The following FBXL20 variants were observed in gnomAD, a reference collection of about 807,000 sequenced individuals.
FBXL20 encodes the protein F-box and leucine rich repeat protein 20, also known as F-box/LRR-repeat protein 20.
Under a neutral mutation model 64.0 loss-of-function variants are expected in FBXL20, and 11 were observed. That is an observed-to-expected ratio of 0.17 (90% CI 0.11 to 0.28). The LOEUF is 0.28. FBXL20 is among the 10% of genes least tolerant of loss of function. FBXL20 has a pLI of 1.00. For missense variants in FBXL20, 303 were observed against 526.2 expected (o/e 0.58, Z 4.15); for synonymous variants, 184 against 189.0 (o/e 0.97, Z 0.22).
intron 12 of FBXL20, among the ~76,000 whole-genome samples, chr17:39,267,295 C>T (rs977255729): frequency 1.3e-5 from 2 of 151,642 alleles, no homozygotes; most frequent in Non-Finnish European, 2.9e-5. Context: ...ACAGTCTGAG[C>T]GGTAACAGCA....
intron 2 of FBXL20, among the ~76,000 whole-genome samples, chr17:39,324,997 A>C (rs1364410700): frequency 6.6e-6 from 1 of 152,238 alleles, no homozygotes; most frequent in African/African-American, 2.4e-5. Context: ...GTTTGAGCTC[A>C]GGAGTTCTGA....
chr17:39,267,754 T>C (rs2046804866), intron 12 of FBXL20, among the ~76,000 whole-genome samples: 2 of 152,102 alleles, frequency 1.3e-5, no homozygotes, highest in Non-Finnish European at 2.9e-5. Context: ...TCACAGGGGC[T>C]ACAAAATGGT....
intron 1 of FBXL20, among the ~76,000 whole-genome samples, chr17:39,364,780 G>A (rs2047842771): frequency 6.6e-6 from 1 of 152,182 alleles, no homozygotes; most frequent in Non-Finnish European, 1.5e-5. Context: ...AGAACTGGCT[G>A]ACAGCAACAC....
intron 1 of FBXL20, among the ~76,000 whole-genome samples, chr17:39,375,498 G>T (rs1233580033): frequency 6.6e-6 from 1 of 152,108 alleles, no homozygotes; most frequent in Non-Finnish European, 1.5e-5. Context: ...ACTATAGTTG[G>T]CAAGGATGTA....
intron 6 of FBXL20, among the ~76,000 whole-genome samples, chr17:39,295,852 CAGTT>C (rs2047080915): frequency 1.3e-5 from 2 of 149,624 alleles, no homozygotes; most frequent in Non-Finnish European, 3.0e-5. Flanking sequence ...AACTCCTCCG[CAGTT>C]TGCTTTTCTT....
At chr17:39,313,623 T>A (rs1354358962) in intron 2 of FBXL20, among the ~76,000 whole-genome samples, 3 of 151,894 alleles carry the variant, frequency 2.0e-5, no homozygotes, top group Non-Finnish European at 2.9e-5. Context: ...TTTTCCCTCA[T>A]AACAAACATT....
chr17:39,345,126 A>T (rs1310828155), intron 1 of FBXL20, among the ~76,000 whole-genome samples: 1 of 152,262 alleles, frequency 6.6e-6, no homozygotes, highest in Non-Finnish European at 1.5e-5. Context: ...TAAGTATTGC[A>T]GAAATTCCTC....
At chr17:39,359,981 A>G (rs1248612396) in intron 1 of FBXL20, among the ~76,000 whole-genome samples, 2 of 152,200 alleles carry the variant, frequency 1.3e-5, no homozygotes, top group Non-Finnish European at 2.9e-5. Flanking sequence ...CAGATAAAAC[A>G]TTAAAGTATT....
intron 9 of FBXL20, among the ~76,000 whole-genome samples, chr17:39,280,440 G>C (rs888124362): frequency 1.3e-5 from 2 of 148,570 alleles, no homozygotes; most frequent in Non-Finnish European, 3.0e-5. Flanking sequence ...GGTGTGGCGT[G>C]TAATCCCAGC....
intron 1 of FBXL20, among the ~76,000 whole-genome samples, chr17:39,355,256 A>G (rs1229342868): frequency 6.6e-6 from 1 of 151,238 alleles, no homozygotes; most frequent in Non-Finnish European, 1.5e-5. Context: ...TAAAAACACT[A>G]TGGCCACGCC....
chr17:39,366,462 G>C (rs965398189), intron 1 of FBXL20, among the ~76,000 whole-genome samples: 2 of 152,018 alleles, frequency 1.3e-5, no homozygotes, highest in African/African-American at 4.8e-5. Flanking sequence ...TGTCATCTTG[G>C]GCTCTCCAGT....
chr17:39,383,176 A>G (rs1026025669), intron 1 of FBXL20, among the ~76,000 whole-genome samples: 7 of 151,736 alleles, frequency 4.6e-5, no homozygotes, highest in Non-Finnish European at 8.8e-5. Context: ...AAAAAAAAAA[A>G]AAAGAAAAAC....
chr17:39,350,826 A>T (rs1392635970), intron 1 of FBXL20, among the ~76,000 whole-genome samples: 1 of 152,100 alleles, frequency 6.6e-6, no homozygotes, highest in Non-Finnish European at 1.5e-5. Context: ...AATTCATAGG[A>T]TTTTCCCTAG....
At chr17:39,315,391 A>ATT (rs2047276087) in intron 2 of FBXL20, among the ~76,000 whole-genome samples, 1 of 129,234 alleles carries the variant, frequency 7.7e-6, no homozygotes, top group African/African-American at 3.8e-5. Context: ...AGTTTAAATA[A>ATT]TTTATATATA....
At chr17:39,398,197 G>A (rs898372470) in intron 1 of FBXL20, among the ~76,000 whole-genome samples, 3 of 151,952 alleles carry the variant, frequency 2.0e-5, no homozygotes, top group Admixed American at 1.3e-4. Flanking sequence ...CAGTAGAATC[G>A]CTTAAAACCT....
chr17:39,275,468 G>C (rs2046881435), intron 9 of FBXL20, among the ~76,000 whole-genome samples: 2 of 152,066 alleles, frequency 1.3e-5, no homozygotes, highest in South Asian at 4.1e-4. Flanking sequence ...CTGGAGTGCA[G>C]TGGTGCAATC....
At chr17:39,393,082 AG>A (rs2048149964) in intron 1 of FBXL20, among the ~76,000 whole-genome samples, 2 of 151,998 alleles carry the variant, frequency 1.3e-5, no homozygotes. Flanking sequence ...TGAGGTCAAG[AG>A]TTTGAGACCA....
At chr17:39,306,154 C>CTT (rs113757275) in intron 2 of FBXL20, among the ~76,000 whole-genome samples, 52,953 of 140,596 alleles carry the variant, frequency 0.38, 12,478 homozygotes, top group African/African-American at 0.68. Flanking sequence ...AGAGTGAGTT[C>CTT]TTTTTTTTTT....
rs2046663611 is a variant in FBXL20, at chr17:39,252,944, C to A, written c.*8516G>T. The A allele has an allele frequency of 1.3e-5, 2 of 152,076 alleles. No homozygotes were observed. Among genetic ancestry groups the A allele is most frequent in the Non-Finnish European group, 2.9e-5 (2 of 68,034 alleles). The allele number at this position is 152,076 out of a possible 1,614,324, so 9.4% of individuals were successfully genotyped here. A position where few individuals can be genotyped will look rare whatever the true frequency, so the allele number is the denominator to read the frequency against. ...ACCTGGTGCTAAGTCACCCCGTAGG[C>A]AACTGTGTCGGCTCCAGAGATTGGC... On this transcript the variant is annotated 3_prime_UTR_variant, in exon 15 of 15. Transcript: ENST00000264658.
Sources: allele counts gnomAD v4.1 joint callset (sites outside exome capture counted in the v4.1 genomes callset), GRCh38; gene constraint gnomAD v4.1.1; transcripts MANE v1.5; gene names NCBI Gene and HGNC (gene_info 2026-07-23, HGNC 2026-07-21).